The following PTPRD variants were observed in gnomAD, a reference collection of about 807,000 sequenced individuals.
PTPRD encodes receptor-type tyrosine-protein phosphatase delta.
PTPRD carries 34 observed loss-of-function variants against 214.5 expected under a neutral mutation model. The observed-to-expected ratio is 0.16, with a 90% confidence interval of 0.12 to 0.21. The LOEUF (loss-of-function observed/expected upper bound fraction) is 0.21, where lower values mean the gene tolerates loss of function less well. PTPRD is among the 10% of genes least tolerant of loss of function. The probability of loss-of-function intolerance (pLI) is 1.00; values close to 1 mark genes in which losing one functional copy is unlikely to be tolerated. For synonymous variants in PTPRD, 1,128 were observed against 845.7 expected (o/e 1.33, Z -5.79); for missense variants, 2,545 against 2,398.7 (o/e 1.06, Z -1.27).
At position 8,351,422 on chromosome 9, in the gene PTPRD, G is replaced by C. The variant is rs138916197; in HGVS notation, c.4662-9444C>G. Among the ~76,000 whole-genome samples the C allele has an allele frequency of 5.4e-4, 82 of 150,540 alleles. 1 individual carries two copies. The highest frequency in any genetic ancestry group is 1.9e-3 in the African/African-American group (76 of 41,010). On this transcript the variant is annotated intron_variant, in intron 39 of 45. Coordinates refer to ENST00000381196, the MANE Select transcript of PTPRD (RefSeq NM_002839.4). ...TTTTTGTAGCTTTTTTTTTTAACAA[G>C]GATAACATAATAATCTAATAATGGA...
intron 35 of PTPRD, among the ~76,000 whole-genome samples, chr9:8,421,313 C>G (rs1192111283): frequency 6.6e-6 from 1 of 150,532 alleles, no homozygotes; most frequent in Non-Finnish European, 1.5e-5. Flanking sequence ...TGGCTTTTCT[C>G]TTCCTTCTTT....
At chr9:9,469,949 G>A (rs1193406090) in intron 8 of PTPRD, among the ~76,000 whole-genome samples, 3 of 152,172 alleles carry the variant, frequency 2.0e-5, no homozygotes, top group Non-Finnish European at 4.4e-5. Context: ...GTAGGCAGAA[G>A]AAAGGAGGTT....
At chr9:9,687,200 A>C (rs1301082905) in intron 7 of PTPRD, among the ~76,000 whole-genome samples, 1 of 151,826 alleles carries the variant, frequency 6.6e-6, no homozygotes, top group Non-Finnish European at 1.5e-5. Context: ...AGTTCCTAGG[A>C]AACAGGGAGA....
intron 35 of PTPRD, among the ~76,000 whole-genome samples, chr9:8,426,536 T>C (rs547280975): frequency 2.0e-5 from 3 of 152,312 alleles, no homozygotes; most frequent in African/African-American, 4.8e-5. Context: ...CCTGAGAGCC[T>C]TGGGCTCCAC....
chr9:8,426,499 G>T (rs1358836698), intron 35 of PTPRD, among the ~76,000 whole-genome samples: 1 of 152,314 alleles, frequency 6.6e-6, no homozygotes, highest in East Asian at 1.9e-4. Context: ...TTGAAAGCTT[G>T]CTTTGGAAGC....
intron 8 of PTPRD, among the ~76,000 whole-genome samples, chr9:9,430,071 G>A (rs889124465): frequency 6.6e-6 from 1 of 152,166 alleles, no homozygotes; most frequent in African/African-American, 2.4e-5. Context: ...GCAGGAGAAA[G>A]AGATAAAGGG....
chr9:9,149,756 A>C (rs2099874917), intron 10 of PTPRD, among the ~76,000 whole-genome samples: 1 of 152,208 alleles, frequency 6.6e-6, no homozygotes, highest in African/African-American at 2.4e-5. Flanking sequence ...CTTGGCCTGT[A>C]AATTTCAAGT....
intron 10 of PTPRD, among the ~76,000 whole-genome samples, chr9:9,136,055 CAT>C (rs1382344051): frequency 6.6e-6 from 1 of 152,106 alleles, no homozygotes; most frequent in Non-Finnish European, 1.5e-5. Flanking sequence ...GAGAGAACAA[CAT>C]ATTTCTTTTG....
intron 9 of PTPRD, among the ~76,000 whole-genome samples, chr9:9,264,730 C>T (rs1356345602): frequency 3.3e-5 from 5 of 151,370 alleles, no homozygotes; most frequent in East Asian, 2.0e-4. Flanking sequence ...TTCACCAAGA[C>T]ACATTAAAAT....
chr9:10,478,421 T>C (rs2099076798), intron 2 of PTPRD, among the ~76,000 whole-genome samples: 1 of 152,158 alleles, frequency 6.6e-6, no homozygotes, highest in African/African-American at 2.4e-5. Context: ...ATAATACCCG[T>C]ATCTGGAAAC....
At chr9:10,581,729 G>T (rs1023046116) in intron 2 of PTPRD, among the ~76,000 whole-genome samples, 1 of 152,086 alleles carries the variant, frequency 6.6e-6, no homozygotes, top group Non-Finnish European at 1.5e-5. Context: ...CTATCCCTCA[G>T]TTTAGTCTCA....
intron 7 of PTPRD, among the ~76,000 whole-genome samples, chr9:9,576,518 A>G (rs9407428): frequency 0.34 from 51,608 of 151,978 alleles, 9,147 homozygotes; most frequent in African/African-American, 0.42. Context: ...CCTCTCAAAA[A>G]AATCTAGTGT....
intron 7 of PTPRD, among the ~76,000 whole-genome samples, chr9:9,641,834 G>A (rs574300096): frequency 1.3e-5 from 2 of 152,188 alleles, no homozygotes; most frequent in African/African-American, 4.8e-5. Context: ...CAAGATGAGG[G>A]TAATCACCCT....
chr9:8,718,762 G>T (rs535896127), intron 12 of PTPRD, among the ~76,000 whole-genome samples: 2 of 152,204 alleles, frequency 1.3e-5, no homozygotes, highest in Admixed American at 6.5e-5. Flanking sequence ...ACCATAGTTC[G>T]TTCTTAAATT....
chr9:10,290,544 T>G (rs187140939), intron 3 of PTPRD, among the ~76,000 whole-genome samples: 21 of 152,252 alleles, frequency 1.4e-4, no homozygotes, highest in African/African-American at 4.3e-4. Flanking sequence ...AATTACAGAT[T>G]CCAATGACAT....
chr9:9,217,005 A>T (rs2099952709), intron 9 of PTPRD, among the ~76,000 whole-genome samples: 1 of 152,120 alleles, frequency 6.6e-6, no homozygotes, highest in African/African-American at 2.4e-5. Context: ...AGAGGGCAAA[A>T]AAATTCAAAG....
intron 2 of PTPRD, among the ~76,000 whole-genome samples, chr9:10,466,623 C>CAAAAAAAAAAAAAA (rs66705572): frequency 5.2e-5 from 4 of 76,874 alleles, no homozygotes; most frequent in African/African-American, 1.2e-4. Flanking sequence ...AACTCCAACT[C>CAAAAAAAAAAAAAA]AAAAAAAAAA....
At chr9:8,751,682 G>C (rs901618566) in intron 11 of PTPRD, among the ~76,000 whole-genome samples, 1 of 152,020 alleles carries the variant, frequency 6.6e-6, no homozygotes, top group East Asian at 1.9e-4. Context: ...TCATCCCTTA[G>C]TCTTCACTCC....
At chr9:9,125,559 A>G (rs1434994957) in intron 10 of PTPRD, among the ~76,000 whole-genome samples, 1 of 152,140 alleles carries the variant, frequency 6.6e-6, no homozygotes, top group Non-Finnish European at 1.5e-5. Context: ...TTTACCTTTT[A>G]TATTAGTTTC....
Sources: allele counts gnomAD v4.1 joint callset (sites outside exome capture counted in the v4.1 genomes callset), GRCh38; gene constraint gnomAD v4.1.1; transcripts MANE v1.5; gene names NCBI Gene and HGNC (gene_info 2026-07-23, HGNC 2026-07-21).